The following HTR3B variants were observed in gnomAD, a reference collection of about 807,000 sequenced individuals.
HTR3B encodes the protein 5-hydroxytryptamine receptor 3B, also known as 5-hydroxytryptamine (serotonin) receptor 3B, ionotropic.
HTR3B carries 44 observed loss-of-function variants against 42.8 expected under a neutral mutation model. The ratio of observed to expected loss-of-function variants is 1.03; its 90% CI spans 0.81 to 1.32. The LOEUF (loss-of-function observed/expected upper bound fraction) is 1.32, where lower values mean the gene tolerates loss of function less well. Among genes scored for constraint, HTR3B ranks in the 40% most tolerant of loss-of-function variants. HTR3B has a pLI of 0.00. For missense variants in HTR3B, 527 were observed against 536.5 expected (o/e 0.98, Z 0.17); for synonymous variants, 203 against 209.0 (o/e 0.97, Z 0.25).
chr11:113,932,391 A>G lies in HTR3B; in HGVS notation c.471A>G (p.Leu157=), dbSNP rs1168662465. The G allele has an allele frequency of 1.9e-6, 3 of 1,614,106 alleles. No individual in the cohort carries two copies. The African/African-American group carries it at 4.0e-5, about 22-fold the overall frequency. The change falls in exon 5 of 9, where the codon TTA becomes TTG. Residue 157 remains leucine, a synonymous_variant. Transcript: ENST00000260191. ...TCCAGGTGGTCTCTGCGTGCAGTTT[A>G]GAGACATATGCTTTTCCATTTGATG... The part of the protein sequence containing the change: ...KPIQVVSACS[L]ETYAFPFDVQ...
intron 2 of HTR3B, among the ~76,000 whole-genome samples, chr11:113,917,627 T>C (rs954347703): frequency 4.6e-5 from 7 of 152,118 alleles, no homozygotes; most frequent in Admixed American, 6.6e-5. Flanking sequence ...GGGGTTTTTT[T>C]TGAGACAGTA....
chr11:113,943,205 G>A lies in HTR3B; in HGVS notation c.907+13G>A, dbSNP rs908520742. The A allele has an allele frequency of 8.8e-6, 14 of 1,597,030 alleles. No homozygotes were observed. The highest frequency in any genetic ancestry group is 2.7e-5 in the African/African-American group (2 of 74,576). ...ACCCCTCTGATTGGTAAGCAGCCTC[G>A]GGGTCACTGGACACTCATCTTACAT... On this transcript the variant is annotated intron_variant, in intron 7 of 8. Coordinates refer to ENST00000260191, the MANE Select transcript of HTR3B (RefSeq NM_006028.5).
Position 113,946,410 on chromosome 11 carries a change from TCTCAG to T in HTR3B, c.*276_*280del, listed in dbSNP as rs1384730270. 4.9e-6 allele frequency: 1 copy of T among 203,484 alleles called. No homozygotes were observed. The highest frequency in any genetic ancestry group is 1.0e-5 in the Non-Finnish European group (1 of 99,408). The allele number at this position is 203,484 out of a possible 1,614,324, so 12.6% of individuals were successfully genotyped here. A position where few individuals can be genotyped will look rare whatever the true frequency, so the allele number is the denominator to read the frequency against. ...TGGGCATAGTGGCTCATGCCTGTAC[TCTCAG>T]CTACTTGGGAGGTTGAGGTGGGAGG... On this transcript the variant is annotated 3_prime_UTR_variant, in exon 9 of 9. Transcript: ENST00000260191.
rs1431566046 is a variant in HTR3B, at chr11:113,948,210, C to T, written c.*2073C>T. On this transcript the variant is annotated 3_prime_UTR_variant, in exon 9 of 9. Transcript: ENST00000260191. ...CTACTGCTGGCCTCCTCTGCTTTGA[C>T]GTGCTCAGTTAGGCATCACGGTCCT... Among the ~76,000 whole-genome samples, 1 of 152,214 alleles carries T rather than the reference C, an allele frequency of 6.6e-6. No individual in the cohort carries two copies.
In HTR3B at chr11:113,943,194, T is replaced by G; in HGVS notation, c.907+2T>G. ...GTGTAGGGAGCACCCCTCTGATTGGTAAGCAGCCTCGGGGTCACTGGACAC... is the reference window on the plus strand; with the variant it reads ...GTGTAGGGAGCACCCCTCTGATTGGGAAGCAGCCTCGGGGTCACTGGACAC... On this transcript the variant is annotated splice_donor_variant, in intron 7 of 8. Transcript: ENST00000260191. LOFTEE classifies it high-confidence loss of function. 1 of 1,610,112 alleles carries G rather than the reference T, an allele frequency of 6.2e-7. No individual in the cohort carries two copies. The highest frequency in any genetic ancestry group is 1.3e-5 in the African/African-American group (1 of 74,596).
At chr11:113,907,565 C>T (rs576188644) in intron 1 of HTR3B, among the ~76,000 whole-genome samples, 26 of 152,084 alleles carry the variant, frequency 1.7e-4, no homozygotes, top group Admixed American at 5.2e-4. Flanking sequence ...TCTTTTGTTC[C>T]TAGTCCTAGC....
upstream of HTR3B, among the ~76,000 whole-genome samples, chr11:113,903,689 A>G (rs1949712433): frequency 6.6e-6 from 1 of 152,018 alleles, no homozygotes; most frequent in South Asian, 2.1e-4. Flanking sequence ...CGGCCTCCCA[A>G]AGTGCTGGGA....
At chr11:113,908,906 A>G in intron 1 of HTR3B, 1 of 252,342 alleles carries the variant, frequency 4.0e-6, no homozygotes, top group Non-Finnish European at 7.4e-6. Flanking sequence ...AAATCAAAAG[A>G]AAAACCAACG....
Position 113,933,103 on chromosome 11 carries a change from T to C in HTR3B, c.696+10T>C. On this transcript the variant is annotated intron_variant, in intron 6 of 8. Transcript: ENST00000260191. ...ACAGATTCAGTTTAATGTAGGTTCTTTACTACCTGTCCCCGTTGCCCGCTT... is the reference window on the plus strand; with the variant it reads ...ACAGATTCAGTTTAATGTAGGTTCTCTACTACCTGTCCCCGTTGCCCGCTT... 1 of 1,609,430 alleles carries C rather than the reference T, an allele frequency of 6.2e-7. No homozygotes were observed. The highest frequency in any genetic ancestry group is 8.5e-7 in the Non-Finnish European group (1 of 1,176,928).
intron 2 of HTR3B, 85 bp downstream of exon 2, chr11:113,909,540 A>G (rs1028159630): frequency 9.1e-7 from 1 of 1,098,788 alleles, no homozygotes; most frequent in Non-Finnish European, 1.3e-6. Context: ...GAGAGGTTAT[A>G]TTCTTGAGAT....
chr11:113,938,051 T>C lies in HTR3B; in HGVS notation c.697-4931T>C, dbSNP rs577792414. Among the ~76,000 whole-genome samples, 316 of 152,166 alleles carry C rather than the reference T, an allele frequency of 2.1e-3. 3 individuals carry two copies. The highest frequency in any genetic ancestry group is 2.6e-3 in the Non-Finnish European group (180 of 67,980). On this transcript the variant is annotated intron_variant, in intron 6 of 8. Coordinates refer to ENST00000260191, the MANE Select transcript of HTR3B (RefSeq NM_006028.5). The stretch of plus-strand genomic sequence containing the variant: ...GTTGCTCCCGTCTCTGCCTCCATCT[T>C]CACATGGCCTTCTCCTTGTGTGTCT...
chr11:113,918,503 C>T (rs1319161251), intron 2 of HTR3B, among the ~76,000 whole-genome samples: 1 of 151,970 alleles, frequency 6.6e-6, no homozygotes, highest in Non-Finnish European at 1.5e-5. Flanking sequence ...TGGAATCATA[C>T]AATATACTAC....
chr11:113,906,200 A>T (rs1350842969), intron 1 of HTR3B, among the ~76,000 whole-genome samples: 8 of 152,190 alleles, frequency 5.3e-5, no homozygotes, highest in African/African-American at 1.9e-4. Context: ...TTGCAGAAAG[A>T]CCTGCCCTGT....
chr11:113,900,054 G>A (rs1290094415), upstream of HTR3B, among the ~76,000 whole-genome samples: 1 of 152,110 alleles, frequency 6.6e-6, no homozygotes, highest in African/African-American at 2.4e-5. Flanking sequence ...ATCACCTGAG[G>A]TCAGGAGTTC....
At chr11:113,903,621 G>T (rs1392970669), upstream of HTR3B, among the ~76,000 whole-genome samples, 4 of 151,676 alleles carry the variant, frequency 2.6e-5, no homozygotes, top group East Asian at 5.8e-4. Flanking sequence ...TAGAGATGGG[G>T]CTCACCATGT....
chr11:113,923,511 C>T (rs781467375), intron 2 of HTR3B, among the ~76,000 whole-genome samples: 2 of 152,278 alleles, frequency 1.3e-5, no homozygotes, highest in Admixed American at 6.5e-5. Flanking sequence ...ACTAGAGCCT[C>T]CCAGCCAGAC....
In HTR3B at chr11:113,931,868, G is replaced by GT; in HGVS notation, c.368+2dup. The GT allele has an allele frequency of 6.5e-7, 1 of 1,531,728 alleles. No homozygotes were observed. The highest frequency in any genetic ancestry group is 2.2e-5 in the East Asian group (1 of 44,524). The allele number at this position is 1,531,728 out of a possible 1,614,324, so 94.9% of individuals were successfully genotyped here. ...CCCCCGATATCATCATCAATGAGTT[G>GT]TAAGTGTGCCAGTGTGTATTTCTGT... is the stretch of plus-strand genomic sequence containing the variant. On this transcript the variant is annotated splice_donor_variant, in intron 4 of 8. Coordinates refer to ENST00000260191, the MANE Select transcript of HTR3B (RefSeq NM_006028.5). LOFTEE classifies it high-confidence loss of function.
intron 1 of HTR3B, 151 bp downstream of exon 1, chr11:113,905,136 A>G (rs1439732043): frequency 1.7e-6 from 1 of 605,292 alleles, no homozygotes; most frequent in African/African-American, 1.9e-5. Flanking sequence ...CTATATGGAA[A>G]ACAATGATTT....
intron 2 of HTR3B, among the ~76,000 whole-genome samples, chr11:113,913,595 ACCTCTG>A (rs1949821039): frequency 2.6e-5 from 4 of 151,232 alleles, no homozygotes; most frequent in Admixed American, 2.6e-4. Flanking sequence ...GCTCACTGTA[ACCTCTG>A]CCTCCCAGGT....
Sources: allele counts gnomAD v4.1 joint callset (sites outside exome capture counted in the v4.1 genomes callset), GRCh38; gene constraint gnomAD v4.1.1; transcripts MANE v1.5; gene names NCBI Gene and HGNC (gene_info 2026-07-23, HGNC 2026-07-21).